Variants in SPOCK1 observed in about 807,000 individuals in gnomAD.
The protein encoded by SPOCK1 is SPARC (osteonectin), cwcv and kazal like domains proteoglycan 1.
SPOCK1 carries 23 observed loss-of-function variants against 55.3 expected under a neutral mutation model. That is an observed-to-expected ratio of 0.42 (90% confidence interval 0.30 to 0.59). The LOEUF (loss-of-function observed/expected upper bound fraction) is 0.59. Among genes scored for constraint, SPOCK1 ranks in the 20% least tolerant of loss-of-function variants. SPOCK1 has a pLI of 0.22. For synonymous variants in SPOCK1, 226 were observed against 221.0 expected (o/e 1.02, Z -0.20); for missense variants, 499 against 552.5 (o/e 0.90, Z 0.97).
At chr5:137,037,131 C>G (rs958869455) in intron 6 of SPOCK1, among the ~76,000 whole-genome samples, 1 of 151,954 alleles carries the variant, frequency 6.6e-6, no homozygotes, top group African/African-American at 2.4e-5. Context: ...TCCAAGGCAC[C>G]CTTCTCCCCT....
At chr5:137,032,037 T>A (rs1751791478) in intron 6 of SPOCK1, among the ~76,000 whole-genome samples, 1 of 148,054 alleles carries the variant, frequency 6.8e-6, no homozygotes, top group Non-Finnish European at 1.5e-5. Context: ...TCCCCATATA[T>A]ATATAATATA....
chr5:137,423,869 G>A (rs139195404), intron 2 of SPOCK1, among the ~76,000 whole-genome samples: 13 of 152,308 alleles, frequency 8.5e-5, no homozygotes, highest in Admixed American at 2.0e-4. Flanking sequence ...TGTCTTCTGC[G>A]TCGCTCACAC....
chr5:137,339,721 G>C (rs922622135), intron 2 of SPOCK1, among the ~76,000 whole-genome samples: 2 of 152,142 alleles, frequency 1.3e-5, no homozygotes, highest in Admixed American at 6.5e-5. Context: ...GCTGATGAGA[G>C]GTTTTGGGGG....
intron 2 of SPOCK1, among the ~76,000 whole-genome samples, chr5:137,476,389 C>T (rs1753838285): frequency 6.6e-6 from 1 of 152,138 alleles, no homozygotes; most frequent in South Asian, 2.1e-4. Flanking sequence ...ATATTTTGAA[C>T]CATGCATAGG....
At chr5:137,181,168 C>T (rs138918723) in intron 3 of SPOCK1, among the ~76,000 whole-genome samples, 13 of 152,118 alleles carry the variant, frequency 8.5e-5, no homozygotes, top group African/African-American at 2.2e-4. Flanking sequence ...AGTTGGGCAC[C>T]GAAGAACATA....
At chr5:137,216,116 T>C (rs1416460732) in intron 3 of SPOCK1, among the ~76,000 whole-genome samples, 1 of 152,084 alleles carries the variant, frequency 6.6e-6, no homozygotes, top group Non-Finnish European at 1.5e-5. Context: ...AGGCAATCCA[T>C]GGCATGGCAG....
intron 3 of SPOCK1, among the ~76,000 whole-genome samples, chr5:137,264,500 T>G (rs78388541): frequency 6.6e-6 from 1 of 152,256 alleles, no homozygotes; most frequent in Non-Finnish European, 1.5e-5. Flanking sequence ...ACCTCCATCA[T>G]GAAGCCCCTT....
chr5:137,479,862 T>C lies in SPOCK1; in HGVS notation c.186+18511A>G, dbSNP rs376625208. ...AAAAGCGGGATAGGAAGGAAGAGGTTGACCTGGATTCAAACCACTGCATCA... is the reference window on the plus strand; with the variant it reads ...AAAAGCGGGATAGGAAGGAAGAGGTCGACCTGGATTCAAACCACTGCATCA... On this transcript the variant is annotated intron_variant, in intron 2 of 10. Transcript: ENST00000394945. 2.6e-4 allele frequency among the ~76,000 whole-genome samples: 40 copies of C among 152,322 alleles called. No homozygotes were observed. In the East Asian group the frequency reaches 5.8e-3, roughly 22 times the overall value.
At chr5:137,041,439 AC>A (rs1751996605) in intron 6 of SPOCK1, among the ~76,000 whole-genome samples, 1 of 152,338 alleles carries the variant, frequency 6.6e-6, no homozygotes, top group East Asian at 1.9e-4. Context: ...CAAAATCACA[AC>A]CTATAAAAGA....
At chr5:137,072,799 T>C (rs1451588799) in intron 5 of SPOCK1, among the ~76,000 whole-genome samples, 3 of 152,218 alleles carry the variant, frequency 2.0e-5, no homozygotes, top group African/African-American at 7.2e-5. Context: ...CTATCATCCA[T>C]TTTTTAAGCC....
intron 2 of SPOCK1, among the ~76,000 whole-genome samples, chr5:137,322,546 C>T (rs990639448): frequency 3.3e-5 from 5 of 151,776 alleles, no homozygotes; most frequent in Non-Finnish European, 5.9e-5. Flanking sequence ...AATAACAAAA[C>T]AGAGGGGAGA....
intron 3 of SPOCK1, among the ~76,000 whole-genome samples, chr5:137,149,526 T>G (rs1157204453): frequency 2.6e-5 from 4 of 152,150 alleles, no homozygotes; most frequent in African/African-American, 9.7e-5. Context: ...AAAAGCATAG[T>G]AAAAATCAAA....
intron 2 of SPOCK1, among the ~76,000 whole-genome samples, chr5:137,351,230 T>C (rs1229961031): frequency 1.3e-5 from 2 of 152,184 alleles, no homozygotes; most frequent in Admixed American, 6.5e-5. Flanking sequence ...CCAGAGCAGA[T>C]GGTCCTTTAG....
At chr5:137,057,468 A>G (rs1337216003) in intron 6 of SPOCK1, among the ~76,000 whole-genome samples, 3 of 152,218 alleles carry the variant, frequency 2.0e-5, no homozygotes, top group Non-Finnish European at 4.4e-5. Flanking sequence ...TTAAATTATC[A>G]AAGTGACATT....
intron 3 of SPOCK1, among the ~76,000 whole-genome samples, chr5:137,216,954 G>GAGGC (rs1755727389): frequency 6.6e-6 from 1 of 152,134 alleles, no homozygotes; most frequent in Non-Finnish European, 1.5e-5. Context: ...CAGGAATTAG[G>GAGGC]AGGCTTGAGG....
chr5:137,114,934 GA>G (rs1276752303), intron 4 of SPOCK1, among the ~76,000 whole-genome samples: 11 of 152,174 alleles, frequency 7.2e-5, no homozygotes, highest in Non-Finnish European at 1.6e-4. Flanking sequence ...TGACCTAGAG[GA>G]AAAAAGCCTA....
At chr5:137,160,227 T>C (rs1754499171) in intron 3 of SPOCK1, among the ~76,000 whole-genome samples, 1 of 150,296 alleles carries the variant, frequency 6.7e-6, no homozygotes, top group African/African-American at 2.5e-5. Flanking sequence ...TTTCCATTCC[T>C]GAGTACTTCA....
At chr5:137,195,086 G>T (rs1755272396) in intron 3 of SPOCK1, among the ~76,000 whole-genome samples, 1 of 152,176 alleles carries the variant, frequency 6.6e-6, no homozygotes, top group Non-Finnish European at 1.5e-5. Context: ...ACACGGCAAA[G>T]GGGTCATCCA....
chr5:137,481,467 T>G (rs1038585059), intron 2 of SPOCK1, among the ~76,000 whole-genome samples: 2 of 152,234 alleles, frequency 1.3e-5, no homozygotes, highest in East Asian at 3.8e-4. Flanking sequence ...AAAATGATTA[T>G]CTGCTTCCCT....
Sources: gnomAD v4.1 joint callset for allele counts (sites outside exome capture counted in the v4.1 genomes callset) on GRCh38, gnomAD v4.1.1 for gene constraint, MANE v1.5 for transcripts, NCBI Gene and HGNC (gene_info 2026-07-23, HGNC 2026-07-21) for gene names.